The following CD247 variants were observed in gnomAD, a reference collection of about 807,000 sequenced individuals.
CD247 encodes the protein CD247 molecule.
CD247 carries 13 observed loss-of-function variants against 30.0 expected under a neutral mutation model. The ratio of observed to expected loss-of-function variants is 0.43; its 90% CI spans 0.28 to 0.69. The LOEUF (loss-of-function observed/expected upper bound fraction) is 0.69. Ranked by LOEUF, CD247 falls within the 30% of genes least tolerant of loss-of-function variation. The pLI, the probability that CD247 is intolerant of heterozygous loss-of-function variation, is 0.16. For synonymous variants in CD247, 72 were observed against 80.0 expected, an observed-to-expected ratio of 0.90 and a Z score of 0.53; for missense variants, 193 against 212.6, an observed-to-expected ratio of 0.91 and a Z score of 0.57.
intron 1 of CD247, among the ~76,000 whole-genome samples, chr1:167,464,009 A>G (rs1232595287): frequency 6.6e-6 from 1 of 152,166 alleles, no homozygotes; most frequent in Non-Finnish European, 1.5e-5. Context: ...AAATCCTGAC[A>G]CTGGCTAATA....
Position 167,431,455 on chromosome 1 carries a change from G to A in CD247, c.*226C>T, listed in dbSNP as rs192838036. 1.5e-5 allele frequency: 9 copies of A among 613,158 alleles called. No homozygotes were observed. The East Asian group carries it at 2.5e-4, about 17-fold the overall frequency. The allele number at this position is 613,158 out of a possible 1,614,324, so 38.0% of individuals were successfully genotyped here. A position where few individuals can be genotyped will look rare whatever the true frequency, so the allele number is the denominator to read the frequency against. Reference sequence around the variant, plus strand: ...ACCTGCACCACCGGCAAACCAGAGGGCCCAAGGCCAGGGCCGTAAGCCCTG... The same window carrying A: ...ACCTGCACCACCGGCAAACCAGAGGACCCAAGGCCAGGGCCGTAAGCCCTG... On this transcript the variant is annotated 3_prime_UTR_variant, in exon 8 of 8. Coordinates refer to ENST00000362089, the MANE Select transcript of CD247 (RefSeq NM_198053.3).
intron 4 of CD247, among the ~76,000 whole-genome samples, 195 bp downstream of exon 4, chr1:167,438,375 T>C (rs747739548): frequency 3.9e-5 from 6 of 152,038 alleles, no homozygotes; most frequent in Non-Finnish European, 7.4e-5. Flanking sequence ...TGAGGCCCCT[T>C]GAGATGCAGA....
intron 1 of CD247, among the ~76,000 whole-genome samples, chr1:167,478,604 G>A (rs1653850740): frequency 6.6e-6 from 1 of 152,150 alleles, no homozygotes; most frequent in Non-Finnish European, 1.5e-5. Context: ...CGCAGAGTCT[G>A]GAGTCAGACT....
At chr1:167,490,653 T>A (rs1324668053) in intron 1 of CD247, among the ~76,000 whole-genome samples, 1 of 150,366 alleles carries the variant, frequency 6.7e-6, no homozygotes, top group African/African-American at 2.5e-5. Context: ...TTTTTGAAGG[T>A]CGGGTACAGT....
intron 1 of CD247, among the ~76,000 whole-genome samples, chr1:167,450,642 G>A (rs1323984523): frequency 2.0e-5 from 3 of 152,174 alleles, no homozygotes; most frequent in African/African-American, 7.2e-5. Flanking sequence ...GACATACTGG[G>A]AGCAGTGGCT....
intron 1 of CD247, among the ~76,000 whole-genome samples, chr1:167,462,503 G>A (rs1186259016): frequency 6.6e-6 from 1 of 152,226 alleles, no homozygotes; most frequent in African/African-American, 2.4e-5. Flanking sequence ...GCCTGTGTAG[G>A]AGCCTGTGTG....
At position 167,431,053 on chromosome 1, in the gene CD247, C is replaced by A; in HGVS notation, c.*628G>T. 2.4e-6 allele frequency: 1 copy of A among 423,708 alleles called. No individual in the cohort carries two copies. Among genetic ancestry groups the A allele is most frequent in the Middle Eastern group, 6.0e-4 (1 of 1,680 alleles). The allele number at this position is 423,708 out of a possible 1,614,324, so 26.2% of individuals were successfully genotyped here. A position where few individuals can be genotyped will look rare whatever the true frequency, so the allele number is the denominator to read the frequency against. On this transcript the variant is annotated 3_prime_UTR_variant, in exon 8 of 8. Transcript: ENST00000362089. ...ACAGTTCAATGGTGCGGCACAGAGG[C>A]CTGAGGCAGGGAGGCTCCCGCTGCC...
intron 1 of CD247, among the ~76,000 whole-genome samples, chr1:167,515,266 T>C (rs1655552815): frequency 6.6e-6 from 1 of 152,252 alleles, no homozygotes; most frequent in Non-Finnish European, 1.5e-5. Flanking sequence ...GAAGTTTGCA[T>C]TTAGATACTC....
intron 1 of CD247, chr1:167,458,689 C>CTTTTTTTTTTTTTTTTTTTTTTTTTTTT (rs3070395): frequency 1.0e-5 from 1 of 95,426 alleles, no homozygotes; most frequent in Non-Finnish European, 2.0e-5. Flanking sequence ...TTCTTTCTTT[C>CTTTTTTTTTTTTTTTTTTTTTTTTTTTT]TTTTTTTTTT....
chr1:167,512,731 G>T (rs1655441811), intron 1 of CD247, among the ~76,000 whole-genome samples: 1 of 152,208 alleles, frequency 6.6e-6, no homozygotes, highest in Admixed American at 6.5e-5. Flanking sequence ...TTCCGAATCA[G>T]ATCTCCACTC....
At chr1:167,481,891 G>A (rs1000331774) in intron 1 of CD247, among the ~76,000 whole-genome samples, 3 of 152,200 alleles carry the variant, frequency 2.0e-5, no homozygotes, top group African/African-American at 4.8e-5. Context: ...TGGAACCCAA[G>A]GTTGGGTGCT....
In CD247 at chr1:167,453,318, C is replaced by T. The variant is rs144162217; in HGVS notation, c.59-12551G>A. ...GGTCAGGGAGGTGAAGTGACTCTCC[C>T]GCAGTCAAACAGCTCATGTGTCAGA... On this transcript the variant is annotated intron_variant, in intron 1 of 7. Transcript: ENST00000362089. Among the ~76,000 whole-genome samples the T allele has an allele frequency of 7.9e-5, 12 of 152,200 alleles. No individual in the cohort carries two copies. In the South Asian group the frequency reaches 1.2e-3, roughly 16 times the overall value.
chr1:167,446,070 C>G lies in CD247; in HGVS notation c.59-5303G>C, dbSNP rs139326128. Among the ~76,000 whole-genome samples, 6 of 152,280 alleles carry G rather than the reference C, an allele frequency of 3.9e-5. No homozygotes were observed. The South Asian group carries it at 6.2e-4, about 16-fold the overall frequency. ...GGACACCTGCAGGTTAGTGGCAAAG[C>G]TGGAAGGGAATTCCTGGGTCTCCTG... On this transcript the variant is annotated intron_variant, in intron 1 of 7. Coordinates refer to ENST00000362089, the MANE Select transcript of CD247 (RefSeq NM_198053.3).
rs1654158956 is a variant in CD247 at position 167,485,333 on chromosome 1, T to C, written c.58+33075A>G. On this transcript the variant is annotated intron_variant, in intron 1 of 7. Transcript: ENST00000362089. ...TGCCGCTGTGGCCTGGCGCTGCGTC[T>C]GGGGAGCTCAGTAAATATTTGTTGA... Among the ~76,000 whole-genome samples, 2 of 152,210 alleles carry C rather than the reference T, an allele frequency of 1.3e-5. 1 individual carries two copies. The highest frequency in any genetic ancestry group is 4.1e-4 in the South Asian group (2 of 4,830).
intron 1 of CD247, among the ~76,000 whole-genome samples, chr1:167,488,873 A>G (rs1654322138): frequency 6.6e-6 from 1 of 152,204 alleles, no homozygotes; most frequent in Admixed American, 6.5e-5. Flanking sequence ...AGCTCCGAAT[A>G]AAAACCCAGG....
intron 1 of CD247, among the ~76,000 whole-genome samples, chr1:167,481,840 C>A (rs1653984668): frequency 6.6e-6 from 1 of 152,142 alleles, no homozygotes; most frequent in East Asian, 1.9e-4. Flanking sequence ...CTGTCTGCCC[C>A]ATTTCAAAGG....
Position 167,431,613 on chromosome 1 carries a change from C to A in CD247, c.*68G>T. 1 of 1,281,432 alleles carries A rather than the reference C, an allele frequency of 7.8e-7. No individual in the cohort carries two copies. The highest frequency in any genetic ancestry group is 1.1e-6 in the Non-Finnish European group (1 of 876,114). The allele number at this position is 1,281,432 out of a possible 1,614,324, so 79.4% of individuals were successfully genotyped here. On this transcript the variant is annotated 3_prime_UTR_variant, in exon 8 of 8. Transcript: ENST00000362089. ...AGAAGAGTGAACCGGGTTGTAAATGCTTCATCCTGTGTCTCATAATCTGGG... is the reference window on the plus strand; with the variant it reads ...AGAAGAGTGAACCGGGTTGTAAATGATTCATCCTGTGTCTCATAATCTGGG...
intron 4 of CD247, among the ~76,000 whole-genome samples, chr1:167,435,879 G>A (rs1651524812): frequency 6.6e-6 from 1 of 152,248 alleles, no homozygotes; most frequent in Non-Finnish European, 1.5e-5. Flanking sequence ...AAACTTGGAT[G>A]GTGGGGGTGA....
chr1:167,493,987 C>T (rs1654567965), intron 1 of CD247, among the ~76,000 whole-genome samples: 1 of 152,148 alleles, frequency 6.6e-6, no homozygotes, highest in Non-Finnish European at 1.5e-5. Flanking sequence ...GTTGTGTCTG[C>T]AGGTGCAGCC....
Sources: gnomAD v4.1 joint callset for allele counts (sites outside exome capture counted in the v4.1 genomes callset) on GRCh38, gnomAD v4.1.1 for gene constraint, MANE v1.5 for transcripts, NCBI Gene and HGNC (gene_info 2026-07-23, HGNC 2026-07-21) for gene names.